The following EYS variants were observed in gnomAD, a reference collection of about 807,000 sequenced individuals.
EYS encodes EGF-like photoreceptor maintenance factor.
A neutral mutation model predicts 282.1 loss-of-function variants in EYS; 250 were observed. The ratio of observed to expected loss-of-function variants is 0.89; its 90% CI spans 0.80 to 0.98. The LOEUF is 0.98. Ranked by LOEUF, EYS falls within the 50% of genes least tolerant of loss-of-function variation. The pLI, the probability that EYS is intolerant of heterozygous loss-of-function variation, is 0.00. For synonymous variants in EYS, 1,355 were observed against 1,282.9 expected (o/e 1.06, Z -1.20); for missense variants, 4,016 against 3,709.0 (o/e 1.08, Z -2.15).
chr6:64,971,486 C>G (rs778694862), intron 14 of EYS, among the ~76,000 whole-genome samples: 1 of 152,134 alleles, frequency 6.6e-6, no homozygotes, highest in Non-Finnish European at 1.5e-5. Flanking sequence ...TAAACAGCTT[C>G]CAGTTTTTTG....
intron 1 of EYS, among the ~76,000 whole-genome samples, chr6:65,640,420 GT>G (rs11312384): frequency 0.52 from 78,058 of 150,782 alleles, 21,272 homozygotes; most frequent in Non-Finnish European, 0.6. Flanking sequence ...ATTAAAAAGA[GT>G]TTTTTTTTTC....
chr6:63,735,934 C>G (rs116008955), intron 41 of EYS, among the ~76,000 whole-genome samples: 1,829 of 152,226 alleles, frequency 0.012, 28 homozygotes, highest in African/African-American at 0.042. Context: ...CGATTCAAAC[C>G]ATGTAATCTT....
intron 12 of EYS, among the ~76,000 whole-genome samples, chr6:65,168,149 C>A (rs1046441683): frequency 6.6e-6 from 1 of 151,346 alleles, no homozygotes; most frequent in South Asian, 2.1e-4. Context: ...AGTGACATGA[C>A]ATTTTTTAAG....
At chr6:64,799,424 T>A (rs796763178) in intron 22 of EYS, among the ~76,000 whole-genome samples, 7 of 152,016 alleles carry the variant, frequency 4.6e-5, no homozygotes, top group African/African-American at 1.4e-4. Context: ...TAGTGTGTTG[T>A]TCTTATATAC....
At chr6:65,653,026 T>C (rs1305415714) in intron 1 of EYS, among the ~76,000 whole-genome samples, 2 of 151,772 alleles carry the variant, frequency 1.3e-5, no homozygotes, top group East Asian at 3.9e-4. Flanking sequence ...AGCCAGAAGA[T>C]AGTGTTAACA....
chr6:64,546,446 A>G (rs1193087222), intron 26 of EYS, among the ~76,000 whole-genome samples: 1 of 152,242 alleles, frequency 6.6e-6, no homozygotes, highest in Non-Finnish European at 1.5e-5. Flanking sequence ...AATACCATTC[A>G]GGACATAGGC....
chr6:64,811,299 C>A (rs1188786001), intron 22 of EYS, among the ~76,000 whole-genome samples: 1 of 151,906 alleles, frequency 6.6e-6, no homozygotes, highest in South Asian at 2.1e-4. Flanking sequence ...AGATAGATGA[C>A]TCCTATTTAA....
In EYS at chr6:64,656,192, G is replaced by GA. The variant is rs5876913; in HGVS notation, c.3444-29948dup. On this transcript the variant is annotated intron_variant, in intron 22 of 42. Coordinates refer to ENST00000503581, the MANE Select transcript of EYS (RefSeq NM_001142800.2). ...TACAGAGAGAAAAATTAGTATCACA[G>GA]AAAAAAAAATAAATGCTGCTATGTT... Among the ~76,000 whole-genome samples, 22 of 151,660 alleles carry GA rather than the reference G, an allele frequency of 1.5e-4. No homozygotes were observed. In the East Asian group the frequency reaches 2.9e-3, roughly 20 times the overall value.
At chr6:63,900,738 T>A (rs1410419463) in intron 35 of EYS, among the ~76,000 whole-genome samples, 1 of 152,100 alleles carries the variant, frequency 6.6e-6, no homozygotes. Flanking sequence ...AAGCTCTGAT[T>A]TTTTTTTCTT....
At chr6:65,496,429 C>A (rs1766260569) in intron 2 of EYS, among the ~76,000 whole-genome samples, 1 of 151,794 alleles carries the variant, frequency 6.6e-6, no homozygotes, top group Non-Finnish European at 1.5e-5. Context: ...CTGTACAAAT[C>A]ACTCTACTAC....
chr6:64,324,639 A>C (rs1770339481), intron 29 of EYS, among the ~76,000 whole-genome samples: 1 of 152,226 alleles, frequency 6.6e-6, no homozygotes, highest in African/African-American at 2.4e-5. Context: ...CAACAGAAAT[A>C]AATTAAATGC....
chr6:64,308,772 C>A (rs527422377), intron 29 of EYS, among the ~76,000 whole-genome samples: 1 of 151,902 alleles, frequency 6.6e-6, no homozygotes, highest in Non-Finnish European at 1.5e-5. Context: ...AAGACTCTCA[C>A]CTGGTAATAC....
At chr6:64,781,617 A>T (rs1289626833) in intron 22 of EYS, among the ~76,000 whole-genome samples, 1 of 151,212 alleles carries the variant, frequency 6.6e-6, no homozygotes, top group East Asian at 1.9e-4. Context: ...TTATGAGGCC[A>T]TGACCACACA....
At chr6:64,827,981 T>C (rs2150026172) in intron 19 of EYS, among the ~76,000 whole-genome samples, 1 of 151,948 alleles carries the variant, frequency 6.6e-6, no homozygotes, top group East Asian at 2.0e-4. Flanking sequence ...TTTAAAATAA[T>C]GATTTAGAAC....
At chr6:63,795,750 G>A (rs1040550319) in intron 37 of EYS, among the ~76,000 whole-genome samples, 1 of 152,058 alleles carries the variant, frequency 6.6e-6, no homozygotes, top group Admixed American at 6.6e-5. Flanking sequence ...ATGTATGAAC[G>A]AGAAGGGGAA....
intron 29 of EYS, among the ~76,000 whole-genome samples, chr6:64,345,812 G>A (rs1176323678): frequency 6.6e-6 from 1 of 151,630 alleles, no homozygotes; most frequent in South Asian, 2.1e-4. Context: ...TCTGACAAAG[G>A]GCTAATATCC....
chr6:65,474,448 T>C (rs1201122247), intron 5 of EYS, among the ~76,000 whole-genome samples: 2 of 152,050 alleles, frequency 1.3e-5, no homozygotes, highest in African/African-American at 4.8e-5. Flanking sequence ...CCTCAGCAAA[T>C]ATAATATACA....
chr6:64,706,514 C>A (rs1219468332), intron 22 of EYS, among the ~76,000 whole-genome samples: 1 of 152,006 alleles, frequency 6.6e-6, no homozygotes, highest in African/African-American at 2.4e-5. Context: ...AATCAGTAGA[C>A]TAAATAGACA....
chr6:64,441,415 G>C (rs1224687445), intron 26 of EYS, among the ~76,000 whole-genome samples: 1 of 152,114 alleles, frequency 6.6e-6, no homozygotes, highest in Non-Finnish European at 1.5e-5. Context: ...AAACAAACAA[G>C]AACAAGATCT....
Sources: allele counts gnomAD v4.1 joint callset (sites outside exome capture counted in the v4.1 genomes callset), GRCh38; gene constraint gnomAD v4.1.1; transcripts MANE v1.5; gene names NCBI Gene and HGNC (gene_info 2026-07-23, HGNC 2026-07-21).